Variants in TMEM132D observed in about 807,000 individuals in gnomAD.
TMEM132D encodes mature OL transmembrane protein.
Under a neutral mutation model 62.3 loss-of-function variants are expected in TMEM132D, and 21 were observed. The ratio of observed to expected loss-of-function variants is 0.34; its 90% CI spans 0.24 to 0.49. TMEM132D has a LOEUF of 0.49. TMEM132D is among the 20% of genes least tolerant of loss of function. TMEM132D has a pLI of 0.99. For synonymous variants in TMEM132D, 621 were observed against 575.6 expected (o/e 1.08, Z -1.13); for missense variants, 1,346 against 1,402.8 (o/e 0.96, Z 0.65).
intron 4 of TMEM132D, among the ~76,000 whole-genome samples, chr12:129,313,183 T>G (rs984036487): frequency 1.2e-4 from 18 of 151,618 alleles, no homozygotes; most frequent in African/African-American, 4.4e-4. Context: ...ATTTTATTTT[T>G]CCATAAGCAA....
At chr12:129,389,983 A>G (rs1871250497) in intron 3 of TMEM132D, among the ~76,000 whole-genome samples, 1 of 152,162 alleles carries the variant, frequency 6.6e-6, no homozygotes, top group African/African-American at 2.4e-5. Context: ...ACTCGTTTCT[A>G]GGAGAGCTGT....
intron 1 of TMEM132D, among the ~76,000 whole-genome samples, chr12:129,775,468 C>T (rs1485672315): frequency 6.6e-6 from 1 of 152,152 alleles, no homozygotes; most frequent in South Asian, 2.1e-4. Flanking sequence ...AAGTACAAAT[C>T]GCCCCTGTTC....
In TMEM132D at chr12:129,463,491, T is replaced by C. The variant is rs548687211; in HGVS notation, c.1115+67568A>G. 2.7e-5 allele frequency among the ~76,000 whole-genome samples: 4 copies of C among 150,658 alleles called. No individual in the cohort carries two copies. The South Asian group carries it at 6.3e-4, about 24-fold the overall frequency. ...TTATGTATTATTATTATTATTATTA[T>C]ACTTTAAGTTTTAGGGTACATGTGC... On this transcript the variant is annotated intron_variant, in intron 3 of 8. Coordinates refer to ENST00000422113, the MANE Select transcript of TMEM132D (RefSeq NM_133448.3).
rs1011531378 is a variant in TMEM132D, at chr12:129,272,425, T to C, written c.1300-62762A>G. On this transcript the variant is annotated intron_variant, in intron 4 of 8. Transcript: ENST00000422113. Reference sequence around the variant, plus strand: ...TGAAGTCACTGGAAACATGTTTCCATTGAATTAAGGAAATTAGGAATTAAG... The same window carrying C: ...TGAAGTCACTGGAAACATGTTTCCACTGAATTAAGGAAATTAGGAATTAAG... Among the ~76,000 whole-genome samples, 5 of 152,000 alleles carry C rather than the reference T, an allele frequency of 3.3e-5. No homozygotes were observed. The East Asian group carries it at 9.6e-4, about 29-fold the overall frequency.
intron 2 of TMEM132D, among the ~76,000 whole-genome samples, chr12:129,665,436 G>A (rs1387146788): frequency 6.6e-6 from 1 of 152,030 alleles, no homozygotes; most frequent in East Asian, 1.9e-4. Context: ...GAGCGCGTGG[G>A]CAAAGACGAA....
intron 4 of TMEM132D, among the ~76,000 whole-genome samples, chr12:129,244,259 G>T (rs950782250): frequency 6.6e-6 from 1 of 151,498 alleles, no homozygotes; most frequent in African/African-American, 2.4e-5. Context: ...GGTGGCGGGC[G>T]CCTGTAGTCC....
rs1262415949 is a variant in TMEM132D at position 129,354,671 on chromosome 12, A to T, written c.1116-16854T>A. Among the ~76,000 whole-genome samples the T allele has an allele frequency of 2.6e-5, 4 of 152,006 alleles. No individual in the cohort carries two copies. In the South Asian group the frequency reaches 8.3e-4, roughly 32 times the overall value. ...CCAAACACTGCTTTAAAAGCTTTTT[A>T]TGTCTTACCCCATGTAATCTTCACA... is the stretch of plus-strand genomic sequence containing the variant. On this transcript the variant is annotated intron_variant, in intron 3 of 8. Coordinates refer to ENST00000422113, the MANE Select transcript of TMEM132D (RefSeq NM_133448.3).
At chr12:129,501,393 G>A (rs188577488) in intron 3 of TMEM132D, among the ~76,000 whole-genome samples, 9 of 152,078 alleles carry the variant, frequency 5.9e-5, no homozygotes, top group African/African-American at 9.6e-5. Context: ...TGATTCTATC[G>A]CAGAGATGTG....
At chr12:129,781,197 GTCT>G (rs1871109013) in intron 1 of TMEM132D, among the ~76,000 whole-genome samples, 1 of 152,156 alleles carries the variant, frequency 6.6e-6, no homozygotes, top group Admixed American at 6.5e-5. Flanking sequence ...ACCGCCACAT[GTCT>G]TCTTCTTGGC....
At chr12:129,468,706 CT>C (rs1337499699) in intron 3 of TMEM132D, among the ~76,000 whole-genome samples, 2 of 152,168 alleles carry the variant, frequency 1.3e-5, no homozygotes, top group African/African-American at 4.8e-5. Context: ...CAGTGGCCTC[CT>C]CTTTCTGTCT....
At chr12:129,702,118 C>T (rs562532479) in intron 1 of TMEM132D, among the ~76,000 whole-genome samples, 6 of 152,300 alleles carry the variant, frequency 3.9e-5, no homozygotes, top group East Asian at 1.9e-4. Context: ...AGAAGTTCAA[C>T]GCATGTATTC....
intron 1 of TMEM132D, among the ~76,000 whole-genome samples, chr12:129,708,948 A>G (rs1016137214): frequency 6.6e-6 from 1 of 152,180 alleles, no homozygotes; most frequent in Non-Finnish European, 1.5e-5. Context: ...TTAGACAGGG[A>G]ACGACTGTAT....
At chr12:129,658,597 C>T (rs1245516899) in intron 2 of TMEM132D, among the ~76,000 whole-genome samples, 1 of 152,190 alleles carries the variant, frequency 6.6e-6, no homozygotes. Context: ...CCTCAGAAAA[C>T]TGCTTGACGA....
intron 5 of TMEM132D, among the ~76,000 whole-genome samples, chr12:129,147,719 T>G (rs1350254259): frequency 6.6e-6 from 1 of 152,248 alleles, no homozygotes; most frequent in Non-Finnish European, 1.5e-5. Context: ...TGACCTTCAG[T>G]CATTTCGTTA....
At chr12:129,285,963 T>C (rs138045946) in intron 4 of TMEM132D, among the ~76,000 whole-genome samples, 42 of 152,316 alleles carry the variant, frequency 2.8e-4, no homozygotes, top group Non-Finnish European at 2.1e-4. Flanking sequence ...ACATTTCTAT[T>C]GATTCAGATA....
chr12:129,478,625 G>C (rs1874339867), intron 3 of TMEM132D, among the ~76,000 whole-genome samples: 1 of 152,176 alleles, frequency 6.6e-6, no homozygotes, highest in Non-Finnish European at 1.5e-5. Flanking sequence ...AACCCTCTTA[G>C]ATTTGCTGAG....
At chr12:129,760,292 T>A (rs888643307) in intron 1 of TMEM132D, among the ~76,000 whole-genome samples, 2 of 150,220 alleles carry the variant, frequency 1.3e-5, no homozygotes, top group African/African-American at 4.9e-5. Context: ...TAAGTCTTAG[T>A]GCAACAGACA....
At chr12:129,185,740 T>C (rs190363953) in intron 5 of TMEM132D, among the ~76,000 whole-genome samples, 1 of 127,916 alleles carries the variant, frequency 7.8e-6, no homozygotes, top group African/African-American at 2.9e-5. Context: ...TATCTATCTA[T>C]CTGCCTGTCT....
chr12:129,680,472 A>C (rs1288283659), intron 2 of TMEM132D, among the ~76,000 whole-genome samples: 2 of 152,082 alleles, frequency 1.3e-5, no homozygotes, highest in Non-Finnish European at 2.9e-5. Flanking sequence ...TATCATATTT[A>C]TTATGTCTTC....
Sources: gnomAD v4.1 joint callset for allele counts (sites outside exome capture counted in the v4.1 genomes callset) on GRCh38, gnomAD v4.1.1 for gene constraint, MANE v1.5 for transcripts, NCBI Gene and HGNC (gene_info 2026-07-23, HGNC 2026-07-21) for gene names.